The following NNMT variants were observed in gnomAD, a reference collection of about 807,000 sequenced individuals.
NNMT encodes the protein nicotinamide N-methyltransferase.
In NNMT, 10 loss-of-function variants were observed where a neutral mutation model predicts 11.7. That is an observed-to-expected ratio of 0.85 (90% CI 0.53 to 1.45). The LOEUF (loss-of-function observed/expected upper bound fraction) is 1.45. Among genes scored for constraint, NNMT ranks in the 40% most tolerant of loss-of-function variants. The probability of loss-of-function intolerance (pLI) is 0.00; values close to 1 mark genes in which losing one functional copy is unlikely to be tolerated. For synonymous variants in NNMT, 143 were observed against 133.8 expected (o/e 1.07, Z -0.48); for missense variants, 381 against 319.4 (o/e 1.19, Z -1.47).
At chr11:114,291,459 G>C (rs1179245806), upstream of NNMT, among the ~76,000 whole-genome samples, 1 of 152,204 alleles carries the variant, frequency 6.6e-6, no homozygotes, top group Non-Finnish European at 1.5e-5. Flanking sequence ...GGACATGCAA[G>C]GCTTGAGGAG....
At chr11:114,290,782 C>T (rs987860293) in intron 2 of NNMT, among the ~76,000 whole-genome samples, 5 of 152,108 alleles carry the variant, frequency 3.3e-5, no homozygotes, top group South Asian at 2.1e-4. Context: ...TAGTTTTGCC[C>T]GCTACTTTCT....
In NNMT at chr11:114,312,422, C is replaced by T. The variant is rs746982640; in HGVS notation, c.740C>T (p.Ala247Val). The change falls in exon 3 of 3, where the codon GCC (alanine) becomes GTC (valine). Residue 247 changes from alanine (A) to valine (V), a missense_variant. Ala to Val is a moderately conservative substitution (Grantham distance 64). Coordinates refer to ENST00000299964, the MANE Select transcript of NNMT (RefSeq NM_006169.3). Reference protein sequence around the residue: ...VISQSYSSTMANNEGLFSLVA... With the variant: ...VISQSYSSTMVNNEGLFSLVA... The stretch of plus-strand genomic sequence containing the variant: ...TCGCAAAGTTATTCTTCCACCATGG[C>T]CAACAACGAAGGACTTTTCTCCCTG... The T allele has an allele frequency of 1.2e-6, 2 of 1,614,224 alleles. No homozygotes were observed. Among genetic ancestry groups the T allele is most frequent in the Non-Finnish European group, 8.5e-7 (1 of 1,180,044 alleles).
chr11:114,288,799 G>GCAC (rs1267037379), intron 2 of NNMT, among the ~76,000 whole-genome samples: 4 of 152,102 alleles, frequency 2.6e-5, no homozygotes, highest in African/African-American at 9.7e-5. Flanking sequence ...AAAATAGTAA[G>GCAC]CACCATATAC....
chr11:114,287,864 A>G (rs1591832589), intron 2 of NNMT, among the ~76,000 whole-genome samples: 1 of 152,268 alleles, frequency 6.6e-6, no homozygotes, highest in African/African-American at 2.4e-5. Flanking sequence ...CCCCCCATCC[A>G]TGAAGTGGCG....
At chr11:114,270,476 A>G (rs776219417) in intron 2 of NNMT, 2 of 152,102 alleles carry the variant, frequency 1.3e-5, no homozygotes, top group Non-Finnish European at 2.9e-5. Context: ...AGGGAGAGTG[A>G]TTTCCCTTAC....
At chr11:114,295,419 C>CTTTTTTTTTTTTTTTTTT (rs35621813), upstream of NNMT, among the ~76,000 whole-genome samples, 1 of 85,048 alleles carries the variant, frequency 1.2e-5, no homozygotes, top group Non-Finnish European at 2.2e-5. Context: ...TTAAAGAATT[C>CTTTTTTTTTTTTTTTTTT]TTTTTTTTTT....
At chr11:114,282,613 C>T (rs1416873306) in intron 2 of NNMT, among the ~76,000 whole-genome samples, 1 of 152,140 alleles carries the variant, frequency 6.6e-6, no homozygotes, top group Non-Finnish European at 1.5e-5. Context: ...AATTCTGACC[C>T]AAAGAATATT....
intron 2 of NNMT, among the ~76,000 whole-genome samples, chr11:114,278,615 T>C (rs1945234152): frequency 7.3e-6 from 1 of 136,742 alleles, no homozygotes; most frequent in African/African-American, 2.8e-5. Context: ...AATACTCATG[T>C]GTGTGTGTGT....
intron 2 of NNMT, among the ~76,000 whole-genome samples, chr11:114,290,279 T>A (rs1281272733): frequency 2.0e-5 from 3 of 152,220 alleles, no homozygotes; most frequent in African/African-American, 7.2e-5. Context: ...TTTTTAATCC[T>A]CAACCAAATA....
chr11:114,260,269 C>A (rs942242774), intron 1 of NNMT, among the ~76,000 whole-genome samples: 9 of 152,168 alleles, frequency 5.9e-5, no homozygotes, highest in African/African-American at 1.9e-4. Flanking sequence ...CCCCACTTGT[C>A]CCCACCCAGC....
At chr11:114,278,563 G>C (rs1031666758) in intron 2 of NNMT, among the ~76,000 whole-genome samples, 5 of 152,142 alleles carry the variant, frequency 3.3e-5, no homozygotes, top group Admixed American at 3.3e-4. Context: ...AGCAGGCAGA[G>C]AGTACCAGAG....
chr11:114,291,967 C>T (rs1218769426), upstream of NNMT, among the ~76,000 whole-genome samples: 1 of 152,138 alleles, frequency 6.6e-6, no homozygotes, highest in Non-Finnish European at 1.5e-5. Context: ...CTGTCTTTAT[C>T]TGTTTAAATA....
chr11:114,265,855 T>C (rs916983671), intron 2 of NNMT, among the ~76,000 whole-genome samples: 1 of 152,162 alleles, frequency 6.6e-6, no homozygotes, highest in African/African-American at 2.4e-5. Flanking sequence ...TTATTATTAT[T>C]CTGCACCGCC....
At chr11:114,265,842 T>C (rs1429078654) in intron 2 of NNMT, among the ~76,000 whole-genome samples, 1 of 152,160 alleles carries the variant, frequency 6.6e-6, no homozygotes. Context: ...TCTGTTATTA[T>C]TATTATTATT....
intron 2 of NNMT, 27 bp downstream of exon 2, chr11:114,298,185 G>A (rs755816539): frequency 5.0e-6 from 8 of 1,603,048 alleles, no homozygotes; most frequent in Middle Eastern, 1.7e-4. Flanking sequence ...CTACTTCTTG[G>A]CTTTTGAAGG....
In NNMT at chr11:114,296,446, A is replaced by T; in HGVS notation, c.-111A>T. ...CTAAAAGAAGGGCTGAACTGATGGA[A>T]GGAATGCTGTTAGCCTGAGACTCAG... On this transcript the variant is annotated 5_prime_UTR_variant, in exon 1 of 3. It adds an upstream start codon to the 5' untranslated region. Transcript: ENST00000299964. The T allele has an allele frequency of 9.2e-7, 1 of 1,091,054 alleles. No individual in the cohort carries two copies. The highest frequency in any genetic ancestry group is 1.5e-5 in the South Asian group (1 of 65,718). The allele number at this position is 1,091,054 out of a possible 1,614,324, so 67.6% of individuals were successfully genotyped here. A position where few individuals can be genotyped will look rare whatever the true frequency, so the allele number is the denominator to read the frequency against.
At chr11:114,298,344 G>A in intron 2 of NNMT, 186 bp downstream of exon 2, 1 of 585,330 alleles carries the variant, frequency 1.7e-6, no homozygotes, top group Non-Finnish European at 3.0e-6. Flanking sequence ...ATGTGCACGT[G>A]CATGTGTGCA....
Position 114,296,429 on chromosome 11 carries a change from A to G in NNMT, c.-128A>G. 1.2e-6 allele frequency: 1 copy of G among 860,952 alleles called. No homozygotes were observed. Among genetic ancestry groups the G allele is most frequent in the Non-Finnish European group, 1.8e-6 (1 of 562,906 alleles). 53.3% of individuals were successfully genotyped at this position (860,952 alleles called of 1,614,324 possible). ...TTAACCAACCATCTGTTCTAAAAGA[A>G]GGGCTGAACTGATGGAAGGAATGCT... On this transcript the variant is annotated 5_prime_UTR_variant, in exon 1 of 3. Coordinates refer to ENST00000299964, the MANE Select transcript of NNMT (RefSeq NM_006169.3).
chr11:114,279,410 CT>C (rs1945241713), intron 2 of NNMT, among the ~76,000 whole-genome samples: 1 of 152,120 alleles, frequency 6.6e-6, no homozygotes, highest in South Asian at 2.1e-4. Context: ...ATGGAGGAAG[CT>C]GCAGCGAAGA....
Sources: gnomAD v4.1 joint callset for allele counts (sites outside exome capture counted in the v4.1 genomes callset) on GRCh38, gnomAD v4.1.1 for gene constraint, MANE v1.5 for transcripts, NCBI Gene and HGNC (gene_info 2026-07-23, HGNC 2026-07-21) for gene names.